The following CDK5RAP2 variants were observed in gnomAD, a reference collection of about 807,000 sequenced individuals.
CDK5RAP2 encodes the protein CDK5 regulatory subunit-associated protein 2.
CDK5RAP2 carries 147 observed loss-of-function variants against 232.9 expected under a neutral mutation model. The observed-to-expected ratio is 0.63, with a 90% CI of 0.55 to 0.72. The LOEUF is 0.72. Among genes scored for constraint, CDK5RAP2 ranks in the 30% least tolerant of loss-of-function variants. The pLI is 0.00. For missense variants in CDK5RAP2, 2,195 were observed against 2,231.5 expected, an observed-to-expected ratio of 0.98 and a Z score of 0.33; for synonymous variants, 833 against 833.7, an observed-to-expected ratio of 1.00 and a Z score of 0.01.
intron 21 of CDK5RAP2, among the ~76,000 whole-genome samples, chr9:120,451,402 T>C (rs2036473717): frequency 6.6e-6 from 1 of 152,210 alleles, no homozygotes; most frequent in Non-Finnish European, 1.5e-5. Flanking sequence ...CTCTTGTCTG[T>C]AACTAAACAA....
chr9:120,440,854 T>C (rs2035858698), intron 23 of CDK5RAP2, among the ~76,000 whole-genome samples: 1 of 152,216 alleles, frequency 6.6e-6, no homozygotes, highest in Admixed American at 6.5e-5. Context: ...CCACAACACG[T>C]GACAGTCTTC....
rs186553641 is a variant in CDK5RAP2, at chr9:120,482,993, C to T, written c.1626+4301G>A. On this transcript the variant is annotated intron_variant, in intron 14 of 37. Transcript: ENST00000349780. Reference sequence around the variant, plus strand: ...CAGAGCTGACAAACCAGTAGATCTCCTCGGCACACAGGCAGGCGGCCAGGC... The same window carrying T: ...CAGAGCTGACAAACCAGTAGATCTCTTCGGCACACAGGCAGGCGGCCAGGC... Among the ~76,000 whole-genome samples, 18 of 152,304 alleles carry T rather than the reference C, an allele frequency of 1.2e-4. No individual in the cohort carries two copies. The East Asian group carries it at 2.7e-3, about 23-fold the overall frequency.
intron 1 of CDK5RAP2, among the ~76,000 whole-genome samples, chr9:120,574,231 C>T (rs2042952323): frequency 6.6e-6 from 1 of 152,130 alleles, no homozygotes; most frequent in Admixed American, 6.5e-5. Flanking sequence ...CGGGCTTTAC[C>T]TACCCACTTT....
chr9:120,416,217 A>G (rs774167051), intron 27 of CDK5RAP2, among the ~76,000 whole-genome samples: 3 of 152,210 alleles, frequency 2.0e-5, no homozygotes, highest in Admixed American at 1.3e-4. Flanking sequence ...GCTCAGTCCC[A>G]AGACTGCCCC....
At chr9:120,554,758 C>T (rs1399021742) in intron 3 of CDK5RAP2, among the ~76,000 whole-genome samples, 6 of 151,958 alleles carry the variant, frequency 3.9e-5, no homozygotes, top group East Asian at 1.9e-4. Flanking sequence ...CTCAGCCTCC[C>T]GAGTAGCTGG....
At chr9:120,425,355 T>C (rs954597970) in intron 25 of CDK5RAP2, among the ~76,000 whole-genome samples, 19 of 152,334 alleles carry the variant, frequency 1.2e-4, no homozygotes, top group Admixed American at 7.2e-4. Flanking sequence ...GGGTGGAAAC[T>C]GCCCTCACAC....
intron 30 of CDK5RAP2, 91 bp from the exon 31 acceptor site, chr9:120,408,559 C>G: frequency 7.1e-7 from 1 of 1,411,706 alleles, no homozygotes; most frequent in Admixed American, 1.7e-5. Context: ...ATTCCACCCT[C>G]AGTCACAAGA....
intron 5 of CDK5RAP2, among the ~76,000 whole-genome samples, chr9:120,541,347 T>C (rs1028439029): frequency 1.3e-5 from 2 of 152,230 alleles, no homozygotes; most frequent in African/African-American, 2.4e-5. Flanking sequence ...TAACAAGTAC[T>C]ATTATTATTC....
intron 3 of CDK5RAP2, among the ~76,000 whole-genome samples, chr9:120,567,914 T>A (rs1165068055): frequency 6.6e-6 from 1 of 152,204 alleles, no homozygotes; most frequent in African/African-American, 2.4e-5. Flanking sequence ...ATACAAAATA[T>A]CTCAAAGGTT....
intron 6 of CDK5RAP2, 109 bp from the exon 7 acceptor site, chr9:120,536,635 T>C: frequency 1.9e-6 from 2 of 1,053,840 alleles, no homozygotes. Context: ...TCCAGCACAT[T>C]TCCCCTCCCT....
rs2035820699 is a variant in CDK5RAP2 at position 120,440,216 on chromosome 9, T to C, written c.3149-244A>G. On this transcript the variant is annotated intron_variant, in intron 23 of 37. Coordinates refer to ENST00000349780, the MANE Select transcript of CDK5RAP2 (RefSeq NM_018249.6). ...GTTGTCCTCTTCCTCAGAGTGACTG[T>C]TCTAAAAAGTAATTTTAACCATGAT... 10 of 557,134 alleles carry C rather than the reference T, an allele frequency of 1.8e-5. No homozygotes were observed. In the South Asian group the frequency reaches 2.1e-4, roughly 12 times the overall value. The allele number at this position is 557,134 out of a possible 1,614,324, so 34.5% of individuals were successfully genotyped here. A position where few individuals can be genotyped will look rare whatever the true frequency, so the allele number is the denominator to read the frequency against.
At chr9:120,570,208 G>C (rs534811901) in intron 2 of CDK5RAP2, among the ~76,000 whole-genome samples, 1 of 152,134 alleles carries the variant, frequency 6.6e-6, no homozygotes, top group South Asian at 2.1e-4. Context: ...TGAAGGGCAC[G>C]CTAGTTTGTT....
At chr9:120,572,579 A>C (rs1248703876) in intron 1 of CDK5RAP2, among the ~76,000 whole-genome samples, 1 of 152,226 alleles carries the variant, frequency 6.6e-6, no homozygotes, top group African/African-American at 2.4e-5. Context: ...TGATCCAAGA[A>C]GTTGTCTTGG....
chr9:120,447,939 G>A lies in CDK5RAP2; in HGVS notation c.2981C>T (p.Ala994Val). 1 of 1,614,162 alleles carries A rather than the reference G, an allele frequency of 6.2e-7. No homozygotes were observed. Among genetic ancestry groups the A allele is most frequent in the Non-Finnish European group, 8.5e-7 (1 of 1,180,014 alleles). ...QLHQKLILAE[A>V]VMEGRPTPDK... is the part of the protein sequence containing the mutation. Reference sequence around the variant, plus strand: ...GGGCGTTGGCCTCCCCTCCATCACTGCTTCAGCCAGAATTAACTTTTGGTG... The same window carrying A: ...GGGCGTTGGCCTCCCCTCCATCACTACTTCAGCCAGAATTAACTTTTGGTG... Residue 994 changes from alanine (A) to valine (V), a missense_variant, in exon 22 of 38, where the codon GCA becomes GTA. Ala to Val is a moderately conservative substitution (Grantham distance 64). Transcript: ENST00000349780.
intron 12 of CDK5RAP2, among the ~76,000 whole-genome samples, chr9:120,492,648 G>A (rs1252226163): frequency 6.6e-6 from 1 of 152,086 alleles, no homozygotes; most frequent in East Asian, 1.9e-4. Context: ...CTTTGAAGCA[G>A]AATAATTTGT....
chr9:120,408,106 G>A, intron 31 of CDK5RAP2: 1 of 541,896 alleles, frequency 1.8e-6, no homozygotes, highest in Non-Finnish European at 3.4e-6. Flanking sequence ...ACATAGCTGG[G>A]AACAAGTGAG....
Position 120,403,349 on chromosome 9 carries a change from C to A in CDK5RAP2, c.5042-278G>T, listed in dbSNP as rs2033201222. The A allele has an allele frequency of 4.3e-6, 2 of 461,564 alleles. No homozygotes were observed. The highest frequency in any genetic ancestry group is 4.0e-6 in the Non-Finnish European group (1 of 250,784). The allele number at this position is 461,564 out of a possible 1,614,324, so 28.6% of individuals were successfully genotyped here. On this transcript the variant is annotated intron_variant, in intron 33 of 37. Coordinates refer to ENST00000349780, the MANE Select transcript of CDK5RAP2 (RefSeq NM_018249.6). The surrounding 1 kb of genome is among the most constrained non-coding windows in gnomAD (Gnocchi z 4.2). ...AGACCCCAGATTCACAAGGATGACT[C>A]AAGCTGGTGCCTGCATTCCAGTAGC...
At position 120,573,448 on chromosome 9, in the gene CDK5RAP2, C is replaced by G. The variant is rs144673512; in HGVS notation, c.60-1407G>C. 1.6e-3 allele frequency among the ~76,000 whole-genome samples: 240 copies of G among 151,674 alleles called. 4 individuals are homozygous for G. In the East Asian group the frequency reaches 0.02, roughly 13 times the overall value. On this transcript the variant is annotated intron_variant, in intron 1 of 37. Coordinates refer to ENST00000349780, the MANE Select transcript of CDK5RAP2 (RefSeq NM_018249.6). The stretch of plus-strand genomic sequence containing the variant: ...CCTGTAGTCCTAGCTACTTGAGAGG[C>G]TGAGGCAGGAGAATCACTTGAACCC...
chr9:120,406,744 G>A (rs1247630850), intron 32 of CDK5RAP2: 1 of 529,972 alleles, frequency 1.9e-6, no homozygotes, highest in Non-Finnish European at 3.4e-6. Flanking sequence ...TGGATAGGAG[G>A]GAGCAAGGCC....
Sources: allele counts gnomAD v4.1 joint callset (sites outside exome capture counted in the v4.1 genomes callset), GRCh38; gene constraint gnomAD v4.1.1; non-coding constraint Gnocchi (gnomAD v3.1); transcripts MANE v1.5; gene names NCBI Gene and HGNC (gene_info 2026-07-23, HGNC 2026-07-21).